The following TET1 variants were observed in gnomAD, a reference collection of about 807,000 sequenced individuals.
TET1 encodes tet methylcytosine dioxygenase 1, also known as methylcytosine dioxygenase TET1.
In TET1, 13 loss-of-function variants were observed where a neutral mutation model predicts 148.7. The ratio of observed to expected loss-of-function variants is 0.09; its 90% CI spans 0.06 to 0.14. TET1 has a LOEUF of 0.14. TET1 is among the 10% of genes least tolerant of loss of function. The pLI is 1.00. For synonymous variants in TET1, 907 were observed against 937.2 expected (o/e 0.97, Z 0.59); for missense variants, 2,182 against 2,553.8 (o/e 0.85, Z 3.14).
Position 68,573,989 on chromosome 10 carries a change from A to G in TET1, c.1651A>G (p.Thr551Ala). 5.0e-6 allele frequency: 8 copies of G among 1,614,158 alleles called. No homozygotes were observed. The highest frequency in any genetic ancestry group is 5.9e-6 in the Non-Finnish European group (7 of 1,180,030). Reference sequence around the variant, plus strand: ...CAGAGGGAGCTCCCAGGTCAGTGTAACCAGCACAGTTCATGTTGTCAACAC... The same window carrying G: ...CAGAGGGAGCTCCCAGGTCAGTGTAGCCAGCACAGTTCATGTTGTCAACAC... ...SDRGSSQVSV[T>A]STVHVVNTTV... Residue 551 changes from threonine to alanine, a missense_variant, in exon 2 of 12, where the codon ACC (threonine) becomes GCC (alanine). Physicochemically the swap from Thr to Ala is moderately conservative, Grantham distance 58. This residue lies in a region of TET1 where 665 missense variants were observed against 672.4 expected (regional missense o/e 0.99). Transcript: ENST00000373644.
At chr10:68,626,019 G>C (rs2054472368) in intron 3 of TET1, among the ~76,000 whole-genome samples, 1 of 150,386 alleles carries the variant, frequency 6.6e-6, no homozygotes, top group African/African-American at 2.5e-5. Context: ...ACAAGTTCCA[G>C]AGTGAGGTGA....
At chr10:68,571,254 T>A (rs1168732998) in intron 1 of TET1, among the ~76,000 whole-genome samples, 1 of 151,568 alleles carries the variant, frequency 6.6e-6, no homozygotes, top group African/African-American at 2.4e-5. Context: ...CCTCCCAAAG[T>A]GCTGGGATTA....
intron 2 of TET1, 87 bp downstream of exon 2, chr10:68,574,339 T>A: frequency 9.7e-7 from 1 of 1,032,090 alleles, no homozygotes; most frequent in Non-Finnish European, 1.4e-6. Context: ...CTCTAGTGTC[T>A]CTATGTAATA....
intron 7 of TET1, among the ~76,000 whole-genome samples, chr10:68,671,866 C>T (rs1262227021): frequency 2.6e-5 from 4 of 151,952 alleles, no homozygotes; most frequent in African/African-American, 4.8e-5. Context: ...CTGCAACCTC[C>T]GCCTCCTGGG....
rs761418568 is a variant in TET1, at chr10:68,652,573, T to C, written c.4440T>C (p.His1480=). 9 of 1,611,496 alleles carry C rather than the reference T, an allele frequency of 5.6e-6. No homozygotes were observed. The highest frequency in any genetic ancestry group is 5.9e-6 in the Non-Finnish European group (7 of 1,178,542). Residue 1480 remains histidine, a synonymous_variant, in exon 6 of 12, where the codon CAT becomes CAC. Coordinates refer to ENST00000373644, the MANE Select transcript of TET1 (RefSeq NM_030625.3). ...CCGGTAAAGAAGGGAAAAGCTCTCA[T>C]GGGTGTCCAATTGCTAAGTGGGTAA... The part of the protein sequence containing the change: ...VYTGKEGKSS[H]GCPIAKWVLR...
chr10:68,574,332 T>TGC, intron 2 of TET1, 80 bp downstream of exon 2: 1 of 1,109,692 alleles, frequency 9.0e-7, no homozygotes, highest in Non-Finnish European at 1.3e-6. Context: ...CTAGTGTCTC[T>TGC]AGTGTCTCTA....
intron 3 of TET1, among the ~76,000 whole-genome samples, chr10:68,607,566 G>A (rs1449920055): frequency 6.6e-6 from 1 of 151,510 alleles, no homozygotes; most frequent in Non-Finnish European, 1.5e-5. Context: ...CCAAATAGCT[G>A]GGATCACAGG....
At chr10:68,576,977 C>T (rs983807859) in intron 2 of TET1, among the ~76,000 whole-genome samples, 4 of 151,604 alleles carry the variant, frequency 2.6e-5, no homozygotes, top group African/African-American at 7.3e-5. Flanking sequence ...GGCGCGATCT[C>T]GGCTCACTGC....
At chr10:68,632,835 T>TAAA (rs34118781) in intron 3 of TET1, 172 of 436,252 alleles carry the variant, frequency 3.9e-4, no homozygotes, top group East Asian at 1.8e-3. Context: ...GTTTAAGTTG[T>TAAA]AAAAAAAAAA....
Position 68,692,979 on chromosome 10 carries a change from T to C in TET1, c.*1165T>C, listed in dbSNP as rs2055612948. ...CTTGTTGAAATATTTTGAAAACAAA[T>C]TCCCTACTATCATCACATGCCTCCC... On this transcript the variant is annotated 3_prime_UTR_variant, in exon 12 of 12. Coordinates refer to ENST00000373644, the MANE Select transcript of TET1 (RefSeq NM_030625.3). 1 of 230,642 alleles carries C rather than the reference T, an allele frequency of 4.3e-6. No homozygotes were observed. Among genetic ancestry groups the C allele is most frequent in the African/African-American group, 2.2e-5 (1 of 44,972 alleles). 14.3% of individuals were successfully genotyped at this position (230,642 alleles called of 1,614,324 possible).
At chr10:68,676,427 G>A (rs1404171880) in intron 8 of TET1, among the ~76,000 whole-genome samples, 1 of 150,954 alleles carries the variant, frequency 6.6e-6, no homozygotes, top group Middle Eastern at 3.2e-3. Flanking sequence ...GGGACTACAA[G>A]CGCCCACCAC....
At chr10:68,679,071 G>A (rs1350689345) in intron 8 of TET1, among the ~76,000 whole-genome samples, 15 of 151,654 alleles carry the variant, frequency 9.9e-5, no homozygotes, top group Admixed American at 9.8e-4. Flanking sequence ...CAGCTACTCA[G>A]GAGGCTGAGG....
chr10:68,562,170 C>A (rs1458028699), intron 1 of TET1, among the ~76,000 whole-genome samples: 1 of 152,098 alleles, frequency 6.6e-6, no homozygotes, highest in Non-Finnish European at 1.5e-5. Context: ...TAGCAGCAGC[C>A]CCAGGTCTCC....
intron 1 of TET1, among the ~76,000 whole-genome samples, chr10:68,566,977 T>C (rs2133669034): frequency 6.6e-6 from 1 of 152,250 alleles, no homozygotes; most frequent in South Asian, 2.1e-4. Flanking sequence ...TACTATTAGG[T>C]TTTCTTTTGT....
chr10:68,662,558 G>A (rs2055137291), intron 6 of TET1, among the ~76,000 whole-genome samples: 1 of 151,814 alleles, frequency 6.6e-6, no homozygotes, highest in Admixed American at 6.6e-5. Flanking sequence ...TTGTAAATAT[G>A]TATAATAGAC....
intron 2 of TET1, among the ~76,000 whole-genome samples, chr10:68,586,369 G>C (rs2053861107): frequency 6.6e-6 from 1 of 151,936 alleles, no homozygotes; most frequent in South Asian, 2.1e-4. Flanking sequence ...GCAGAGACAG[G>C]GTTTCACCAT....
At chr10:68,587,968 T>G (rs1168885064) in intron 2 of TET1, among the ~76,000 whole-genome samples, 1 of 152,092 alleles carries the variant, frequency 6.6e-6, no homozygotes, top group Non-Finnish European at 1.5e-5. Flanking sequence ...GTGCAAGAGA[T>G]TCTCGTGCCT....
In TET1 at chr10:68,690,929, A is replaced by G. The variant is rs62638665; in HGVS notation, c.5526A>G (p.Lys1842=). The G allele has an allele frequency of 5.3e-4, 848 of 1,614,202 alleles. 9 individuals are homozygous for G. In the African/African-American group the frequency reaches 9.1e-3, roughly 17 times the overall value. Reference sequence around the variant, plus strand: ...TGCCATCCGCTCCTCACCCAGTGAAAGAGGCATCTCCAGGCTTCTCCTGGT... The same window carrying G: ...TGCCATCCGCTCCTCACCCAGTGAAGGAGGCATCTCCAGGCTTCTCCTGGT... The part of the protein sequence containing the change: ...SLMPSAPHPV[K]EASPGFSWSP... The change falls in exon 12 of 12, where the codon AAA becomes AAG. Residue 1842 remains lysine, a synonymous_variant. Coordinates refer to ENST00000373644, the MANE Select transcript of TET1 (RefSeq NM_030625.3).
At chr10:68,632,845 AAAAAAAAG>A in intron 3 of TET1, 3 of 804,838 alleles carry the variant, frequency 3.7e-6, no homozygotes, top group Non-Finnish European at 5.8e-6. Flanking sequence ...TAAAAAAAAA[AAAAAAAAG>A]AAAGAAAACA....
Sources: allele counts gnomAD v4.1 joint callset (sites outside exome capture counted in the v4.1 genomes callset), GRCh38; gene constraint gnomAD v4.1.1; regional missense constraint gnomAD v4.1.1; transcripts MANE v1.5; gene names NCBI Gene and HGNC (gene_info 2026-07-23, HGNC 2026-07-21).